Variants in ALPL observed in about 807,000 individuals in gnomAD.
The protein encoded by ALPL is alkaline phosphatase, biomineralization associated, also known as alkaline phosphatase, tissue-nonspecific isozyme.
In ALPL, 42 loss-of-function variants were observed where a neutral mutation model predicts 51.3. The ratio of observed to expected loss-of-function variants is 0.82; its 90% CI spans 0.64 to 1.06. The LOEUF (loss-of-function observed/expected upper bound fraction) is 1.06, where lower values mean the gene tolerates loss of function less well. ALPL is among the 50% of genes least tolerant of loss of function. The pLI, the probability that ALPL is intolerant of heterozygous loss-of-function variation, is 0.00. For synonymous variants in ALPL, 279 were observed against 296.4 expected, an observed-to-expected ratio of 0.94 and a Z score of 0.60; for missense variants, 589 against 709.4, an observed-to-expected ratio of 0.83 and a Z score of 1.93.
intron 1 of ALPL, among the ~76,000 whole-genome samples, chr1:21,529,680 G>A (rs1644002661): frequency 6.6e-6 from 1 of 152,154 alleles, no homozygotes; most frequent in Non-Finnish European, 1.5e-5. Context: ...TTCCACTGGG[G>A]TCTTTTAACC....
Position 21,576,551 on chromosome 1 carries a change from A to C in ALPL, c.1219A>C (p.Lys407Gln). Residue 407 changes from lysine to glutamine, a missense_variant, in exon 11 of 12, where the codon AAG (lysine) becomes CAG (glutamine). Transcript: ENST00000374840. ...GLAPMLSDTD[K>Q]KPFTAILYGN... ...GGCCCCCATGCTGAGTGACACAGAC[A>C]AGAAGCCCTTCACTGCCATCCTGTA... 1 of 1,613,976 alleles carries C rather than the reference A, an allele frequency of 6.2e-7. No homozygotes were observed.
intron 2 of ALPL, among the ~76,000 whole-genome samples, chr1:21,559,215 C>G (rs780001129): frequency 2.6e-5 from 4 of 152,210 alleles, no homozygotes; most frequent in Non-Finnish European, 5.9e-5. Context: ...GAGGAAACCG[C>G]TAGGGAGCCT....
intron 4 of ALPL, among the ~76,000 whole-genome samples, chr1:21,561,467 G>A (rs1254403496): frequency 6.6e-6 from 1 of 152,098 alleles, no homozygotes; most frequent in Non-Finnish European, 1.5e-5. Flanking sequence ...ATAGCTCACT[G>A]CAGCCTCCAA....
At chr1:21,550,500 CT>C (rs1644306784) in intron 1 of ALPL, among the ~76,000 whole-genome samples, 2 of 152,162 alleles carry the variant, frequency 1.3e-5, no homozygotes, top group African/African-American at 4.8e-5. Flanking sequence ...CATAGACTTG[CT>C]TTCATTTTGT....
intron 1 of ALPL, among the ~76,000 whole-genome samples, chr1:21,539,871 T>A (rs922920728): frequency 2.6e-5 from 4 of 152,070 alleles, no homozygotes; most frequent in Non-Finnish European, 5.9e-5. Context: ...TTAGTCAGGA[T>A]GGTCTCGATC....
At chr1:21,576,404 C>T (rs1644737602) in intron 10 of ALPL, 118 bp from the exon 11 acceptor site, 10 of 1,391,878 alleles carry the variant, frequency 7.2e-6, no homozygotes, top group Non-Finnish European at 9.9e-6. Context: ...GGAGGCATTG[C>T]AGGGCCCTTC....
At chr1:21,519,435 C>T (rs144350397) in intron 1 of ALPL, among the ~76,000 whole-genome samples, 39 of 152,352 alleles carry the variant, frequency 2.6e-4, no homozygotes, top group Admixed American at 5.9e-4. Context: ...GCTTTACCAT[C>T]GGCAGAGCCT....
chr1:21,542,084 T>C (rs1644194135), intron 1 of ALPL, among the ~76,000 whole-genome samples: 1 of 152,320 alleles, frequency 6.6e-6, no homozygotes, highest in Non-Finnish European at 1.5e-5. Flanking sequence ...CCTCCAGTAA[T>C]GAATACAGTC....
At chr1:21,569,821 C>T (rs537286237) in intron 7 of ALPL, among the ~76,000 whole-genome samples, 1 of 152,186 alleles carries the variant, frequency 6.6e-6, no homozygotes, top group Non-Finnish European at 1.5e-5. Flanking sequence ...ACGCCTTTAT[C>T]TCCCCTCCCA....
chr1:21,553,843 T>A (rs1333311349), intron 1 of ALPL, 135 bp from the exon 2 acceptor site: 1 of 553,152 alleles, frequency 1.8e-6, no homozygotes, highest in Non-Finnish European at 3.3e-6. Context: ...CATCCCAATG[T>A]TGAGCCCCAT....
intron 1 of ALPL, among the ~76,000 whole-genome samples, chr1:21,538,753 C>A (rs1044487755): frequency 5.3e-3 from 6 of 1,134 alleles, no homozygotes; most frequent in African/African-American, 8.0e-3. Context: ...AGAGCCAGGT[C>A]TTGAATGCCA....
rs757247265 is a variant in ALPL, at chr1:21,539,560, C to G, written c.-104-14418C>G. 1.4e-4 allele frequency among the ~76,000 whole-genome samples: 21 copies of G among 152,162 alleles called. 1 individual carries two copies. Among genetic ancestry groups the G allele is most frequent in the Admixed American group, 5.2e-4 (8 of 15,270 alleles). On this transcript the variant is annotated intron_variant, in intron 1 of 11. Transcript: ENST00000374840. ...CTTTCCAGTAATTGCCCCCCAAATC[C>G]TCAGCTGGTTAGTGGGGAGACCTAT...
At chr1:21,562,549 G>A (rs1644498787) in intron 4 of ALPL, among the ~76,000 whole-genome samples, 1 of 152,124 alleles carries the variant, frequency 6.6e-6, no homozygotes, top group Admixed American at 6.5e-5. Flanking sequence ...TCTCAGGCTG[G>A]TGGGGAAGGG....
At chr1:21,560,771 G>T in intron 3 of ALPL, 26 bp downstream of exon 3, 1 of 1,613,824 alleles carries the variant, frequency 6.2e-7, no homozygotes, top group African/African-American at 1.3e-5. Flanking sequence ...CTGTGGGAGG[G>T]GTGGAACAGG....
In ALPL at chr1:21,509,944, A is replaced by C. The variant is rs116456050; in HGVS notation, c.-105+427A>C. ...TCTAGAGACCTGGGCTGCCAACCCC[A>C]AGGCCTCGTGGCCTGGCGCCCTCCC... On this transcript the variant is annotated intron_variant, in intron 1 of 11. Coordinates refer to ENST00000374840, the MANE Select transcript of ALPL (RefSeq NM_000478.6). The surrounding 1 kb of genome is among the most constrained non-coding windows in gnomAD (Gnocchi z 6.0). 3.2e-3 allele frequency among the ~76,000 whole-genome samples: 488 copies of C among 152,126 alleles called. 7 individuals are homozygous for C. The highest frequency in any genetic ancestry group is 0.012 in the African/African-American group (481 of 41,558).
chr1:21,576,704 A>G, intron 11 of ALPL, 63 bp downstream of exon 11: 1 of 1,601,412 alleles, frequency 6.2e-7, no homozygotes, highest in Non-Finnish European at 8.5e-7. Flanking sequence ...GGGCTTGGGA[A>G]TAGGGTGTCA....
intron 1 of ALPL, among the ~76,000 whole-genome samples, chr1:21,544,965 TA>T (rs531421917): frequency 6.6e-6 from 1 of 151,864 alleles, no homozygotes; most frequent in East Asian, 1.9e-4. Flanking sequence ...CTCTAACCCT[TA>T]AAAAAAATAA....
chr1:21,524,150 C>T (rs1305155669), intron 1 of ALPL, among the ~76,000 whole-genome samples: 1 of 151,964 alleles, frequency 6.6e-6, no homozygotes, highest in African/African-American at 2.4e-5. Context: ...ATTACAGGCG[C>T]GTGCCACCAC....
intron 2 of ALPL, among the ~76,000 whole-genome samples, chr1:21,558,813 C>G (rs1199768028): frequency 1.3e-5 from 2 of 152,162 alleles, no homozygotes; most frequent in Admixed American, 6.5e-5. Flanking sequence ...CACTGCAGCA[C>G]CCTGGCGGCT....
Sources: gnomAD v4.1 joint callset for allele counts (sites outside exome capture counted in the v4.1 genomes callset) on GRCh38, gnomAD v4.1.1 for gene constraint, Gnocchi (gnomAD v3.1) non-coding constraint, MANE v1.5 for transcripts, NCBI Gene and HGNC (gene_info 2026-07-23, HGNC 2026-07-21) for gene names.